Variants in NAALADL2 observed in about 807,000 individuals in gnomAD.
The protein encoded by NAALADL2 is inactive N-acetylated-alpha-linked acidic dipeptidase-like protein 2.
A neutral mutation model predicts 87.2 loss-of-function variants in NAALADL2; 76 were observed. The ratio of observed to expected loss-of-function variants is 0.87; its 90% confidence interval spans 0.72 to 1.05. NAALADL2 has a LOEUF of 1.05. NAALADL2 is among the 50% of genes least tolerant of loss of function. NAALADL2 has a pLI of 0.00. For missense variants in NAALADL2, 1,089 were observed against 945.8 expected (o/e 1.15, Z -1.99); for synonymous variants, 354 against 331.0 (o/e 1.07, Z -0.75).
intron 3 of NAALADL2, among the ~76,000 whole-genome samples, chr3:174,768,404 C>A (rs1421096230): frequency 6.6e-6 from 1 of 152,030 alleles, no homozygotes; most frequent in Non-Finnish European, 1.5e-5. Flanking sequence ...TTTTGATTAC[C>A]TTTGGCATTA....
intron 1 of NAALADL2, among the ~76,000 whole-genome samples, chr3:175,084,639 A>G (rs1372503539): frequency 6.6e-6 from 1 of 152,230 alleles, no homozygotes; most frequent in African/African-American, 2.4e-5. Flanking sequence ...TATTCCTAAA[A>G]GAGCATAGAT....
At chr3:175,702,928 G>A (rs1046350073) in intron 11 of NAALADL2, among the ~76,000 whole-genome samples, 1 of 151,958 alleles carries the variant, frequency 6.6e-6, no homozygotes, top group African/African-American at 2.4e-5. Context: ...AAAAAAAAAG[G>A]AGAGTAGAGT....
intron 2 of NAALADL2, among the ~76,000 whole-genome samples, chr3:174,613,619 CT>C (rs1331387248): frequency 6.6e-6 from 1 of 152,184 alleles, no homozygotes; most frequent in Non-Finnish European, 1.5e-5. Context: ...CCTGAAGTCC[CT>C]GGGGCTCTTC....
At chr3:174,914,177 C>T (rs1416126592) in intron 1 of NAALADL2, among the ~76,000 whole-genome samples, 1 of 151,646 alleles carries the variant, frequency 6.6e-6, no homozygotes, top group Non-Finnish European at 1.5e-5. Context: ...ATTCTCCTGC[C>T]TCAGCCTCCC....
At chr3:175,350,906 G>T (rs1025044776) in intron 5 of NAALADL2, among the ~76,000 whole-genome samples, 9 of 151,810 alleles carry the variant, frequency 5.9e-5, no homozygotes, top group Non-Finnish European at 1.0e-4. Context: ...TTCTCAAATG[G>T]ATACTTTCAC....
At chr3:175,042,945 A>T (rs1013680198) in intron 1 of NAALADL2, among the ~76,000 whole-genome samples, 9 of 152,036 alleles carry the variant, frequency 5.9e-5, no homozygotes, top group African/African-American at 2.2e-4. Context: ...TTCTTAAAAA[A>T]AGCCTGGCAC....
Position 174,959,930 on chromosome 3 carries a change from G to C in NAALADL2, c.43+100480G>C, listed in dbSNP as rs577861575. On this transcript the variant is annotated intron_variant, in intron 1 of 13. Coordinates refer to ENST00000454872, the MANE Select transcript of NAALADL2 (RefSeq NM_207015.3). ...TGTCCTTATCTTATATGAAAGTATC[G>C]AATTCTTAAAGTTAATTGTCCCTTA... Among the ~76,000 whole-genome samples, 357 of 152,052 alleles carry C rather than the reference G, an allele frequency of 2.3e-3. 1 individual carries two copies. The highest frequency in any genetic ancestry group is 8.3e-3 in the African/African-American group (343 of 41,500).
intron 2 of NAALADL2, among the ~76,000 whole-genome samples, chr3:174,649,092 T>G (rs1327184448): frequency 6.6e-6 from 1 of 152,092 alleles, no homozygotes; most frequent in African/African-American, 2.4e-5. Context: ...GCCTCCCAAG[T>G]AGCTGGGATT....
chr3:175,464,090 C>T (rs1723608032), intron 7 of NAALADL2, among the ~76,000 whole-genome samples: 1 of 152,080 alleles, frequency 6.6e-6, no homozygotes, highest in Admixed American at 6.5e-5. Context: ...CCAGCCTTGG[C>T]CTCCCAAAGT....
intron 1 of NAALADL2, among the ~76,000 whole-genome samples, chr3:174,869,354 T>C (rs945627706): frequency 1.3e-5 from 2 of 152,154 alleles, no homozygotes; most frequent in African/African-American, 4.8e-5. Context: ...GAGATAAATA[T>C]AATTTTTCCC....
At chr3:174,987,568 C>CA (rs1159602995) in intron 1 of NAALADL2, among the ~76,000 whole-genome samples, 1,055 of 20,826 alleles carry the variant, frequency 0.051, 273 homozygotes, top group Non-Finnish European at 0.088. Context: ...GACTCCGTCT[C>CA]AAAAAAAAAA....
intron 1 of NAALADL2, among the ~76,000 whole-genome samples, chr3:174,445,409 C>A (rs974103609): frequency 6.6e-6 from 1 of 152,050 alleles, no homozygotes; most frequent in African/African-American, 2.4e-5. Flanking sequence ...GTTATGTCCC[C>A]AGGTAGTTTT....
chr3:175,506,247 G>A (rs561843095), intron 9 of NAALADL2, among the ~76,000 whole-genome samples: 1 of 152,346 alleles, frequency 6.6e-6, no homozygotes, highest in East Asian at 1.9e-4. Flanking sequence ...ATCTTCTGCA[G>A]TATGTGCCAT....
intron 1 of NAALADL2, among the ~76,000 whole-genome samples, chr3:174,442,498 AAG>A (rs1169164422): frequency 1.3e-5 from 2 of 152,198 alleles, no homozygotes; most frequent in African/African-American, 4.8e-5. Flanking sequence ...ATAACATAAA[AAG>A]AGTATTAAAG....
At chr3:175,127,399 C>A (rs1352231865) in intron 2 of NAALADL2, among the ~76,000 whole-genome samples, 2 of 152,080 alleles carry the variant, frequency 1.3e-5, no homozygotes, top group African/African-American at 4.8e-5. Context: ...CTATGAATAG[C>A]AGAAATATTT....
intron 1 of NAALADL2, among the ~76,000 whole-genome samples, chr3:174,510,682 A>G (rs1022146075): frequency 8.0e-5 from 12 of 150,834 alleles, no homozygotes; most frequent in Non-Finnish European, 1.5e-4. Context: ...TTGTTTGTCC[A>G]TTTTCTATTT....
At chr3:175,800,226 C>G (rs889493291) in intron 13 of NAALADL2, among the ~76,000 whole-genome samples, 1 of 151,968 alleles carries the variant, frequency 6.6e-6, no homozygotes, top group Non-Finnish European at 1.5e-5. Context: ...TTTACGTGCT[C>G]CTTGGGCTAC....
At chr3:175,502,673 TAATA>T (rs148986869) in intron 9 of NAALADL2, among the ~76,000 whole-genome samples, 14,733 of 152,036 alleles carry the variant, frequency 0.097, 771 homozygotes, top group African/African-American at 0.14. Flanking sequence ...CAATTCGTTA[TAATA>T]AATGTCTCTC....
At chr3:175,768,322 C>T (rs1261844239) in intron 13 of NAALADL2, among the ~76,000 whole-genome samples, 4 of 152,102 alleles carry the variant, frequency 2.6e-5, no homozygotes, top group Non-Finnish European at 5.9e-5. Context: ...TGTTTCAAAG[C>T]CATCTCTCTC....
Sources: gnomAD v4.1 joint callset for allele counts (sites outside exome capture counted in the v4.1 genomes callset) on GRCh38, gnomAD v4.1.1 for gene constraint, MANE v1.5 for transcripts, NCBI Gene and HGNC (gene_info 2026-07-23, HGNC 2026-07-21) for gene names.